Variants in AZIN2 observed in about 807,000 individuals in gnomAD.
The protein encoded by AZIN2 is antizyme inhibitor 2, also known as ODC antizyme inhibitor-2.
Under a neutral mutation model 47.8 loss-of-function variants are expected in AZIN2, and 28 were observed. The observed-to-expected ratio is 0.59, with a 90% CI of 0.43 to 0.80. AZIN2 has a LOEUF of 0.80. Among genes scored for constraint, AZIN2 ranks in the 30% least tolerant of loss-of-function variants. The pLI is 0.00. For missense variants in AZIN2, 535 were observed against 582.5 expected, an observed-to-expected ratio of 0.92 and a Z score of 0.84; for synonymous variants, 221 against 239.4, an observed-to-expected ratio of 0.92 and a Z score of 0.71.
At chr1:33,125,733 C>T (rs1557737562), downstream of AZIN2, among the ~76,000 whole-genome samples, 1 of 151,896 alleles carries the variant, frequency 6.6e-6, no homozygotes, top group African/African-American at 2.4e-5. Flanking sequence ...TCATCACACG[C>T]CCTTTCCTTT....
chr1:33,145,556 C>T, the AZIN2 span: 5 of 171,796 alleles, frequency 2.9e-5, no homozygotes, highest in Non-Finnish European at 6.3e-5. Flanking sequence ...GCCCGGGTGG[C>T]GGGGGCAGCC....
rs1335346492 is a variant in AZIN2, at chr1:33,120,345, T to C, written c.*163T>C. 2 of 911,976 alleles carry C rather than the reference T, an allele frequency of 2.2e-6. No homozygotes were observed. The highest frequency in any genetic ancestry group is 3.4e-5 in the African/African-American group (2 of 59,608). 56.5% of individuals were successfully genotyped at this position (911,976 alleles called of 1,614,324 possible). ...GTTTCTGCCCTGTAAATAGGACCAG[T>C]CTTACACTCGCTGTAGTTCAAGTAT... is the stretch of plus-strand genomic sequence containing the variant. On this transcript the variant is annotated 3_prime_UTR_variant, in exon 12 of 12. Transcript: ENST00000294517.
chr1:33,095,289 A>G (rs1570008572), intron 8 of AZIN2, among the ~76,000 whole-genome samples: 1 of 152,348 alleles, frequency 6.6e-6, no homozygotes, highest in Admixed American at 6.5e-5. Context: ...AATTTGCCTC[A>G]AAGATGACTG....
downstream of AZIN2, among the ~76,000 whole-genome samples, chr1:33,127,607 T>C (rs1644866483): frequency 6.6e-6 from 1 of 152,242 alleles, no homozygotes; most frequent in Admixed American, 6.5e-5. Flanking sequence ...GGAAGTGGGC[T>C]TATTTGCGCA....
chr1:33,092,399 C>A (rs2124518562), intron 6 of AZIN2, among the ~76,000 whole-genome samples, 177 bp downstream of exon 6: 1 of 151,766 alleles, frequency 6.6e-6, no homozygotes, highest in East Asian at 2.0e-4. Flanking sequence ...TGTCCTGGAC[C>A]CAGCCACAGT....
At chr1:33,150,176 A>T in the AZIN2 span, among the ~76,000 whole-genome samples, 3 of 152,238 alleles carry the variant, frequency 2.0e-5, no homozygotes, top group Non-Finnish European at 4.4e-5. Flanking sequence ...CAAGACAGAG[A>T]TGAGGAAAAG....
chr1:33,105,063 A>G (rs1159109978), intron 10 of AZIN2, among the ~76,000 whole-genome samples: 1 of 152,152 alleles, frequency 6.6e-6, no homozygotes, highest in African/African-American at 2.4e-5. Flanking sequence ...TCATGATTTA[A>G]CCAGTTTTAG....
the AZIN2 span, among the ~76,000 whole-genome samples, chr1:33,134,945 G>T: frequency 6.6e-6 from 1 of 152,142 alleles, no homozygotes; most frequent in African/African-American, 2.4e-5. Flanking sequence ...CCTGCCTCCA[G>T]CTGTGTTTCA....
the AZIN2 span, chr1:33,158,487 G>C: frequency 5.5e-6 from 4 of 725,130 alleles, no homozygotes; most frequent in African/African-American, 7.0e-5. Context: ...TGAGAAGTCT[G>C]TGGGACTCAG....
chr1:33,101,807 T>G (rs748488257), intron 10 of AZIN2: 5 of 777,164 alleles, frequency 6.4e-6, no homozygotes, highest in Non-Finnish European at 1.2e-5. Flanking sequence ...GTAACCTGTT[T>G]GGGCTTTTTC....
chr1:33,096,880 G>A lies in AZIN2; in HGVS notation c.916+11G>A, dbSNP rs768620096. Reference sequence around the variant, plus strand: ...AGCCTGGCAGGGAGGGTAGGTGCCAGGTGGGCAGTGGAGCCCTGTTCTCCC... The same window carrying A: ...AGCCTGGCAGGGAGGGTAGGTGCCAAGTGGGCAGTGGAGCCCTGTTCTCCC... On this transcript the variant is annotated intron_variant, in intron 9 of 11. Coordinates refer to ENST00000294517, the MANE Select transcript of AZIN2 (RefSeq NM_052998.4). 1 of 1,614,082 alleles carries A rather than the reference G, an allele frequency of 6.2e-7. No homozygotes were observed. Among genetic ancestry groups the A allele is most frequent in the South Asian group, 1.1e-5 (1 of 91,078 alleles).
chr1:33,123,657 G>A (rs1056747807), downstream of AZIN2, among the ~76,000 whole-genome samples: 3 of 152,232 alleles, frequency 2.0e-5, no homozygotes, highest in Non-Finnish European at 4.4e-5. Context: ...GAGGTCAGGA[G>A]TTTGAGACCA....
At chr1:33,132,769 A>T in the AZIN2 span, among the ~76,000 whole-genome samples, 1 of 152,210 alleles carries the variant, frequency 6.6e-6, no homozygotes, top group Admixed American at 6.5e-5. Context: ...GTGTCATTGG[A>T]TGAGTGGAAG....
At chr1:33,098,889 G>A (rs1379316939) in intron 10 of AZIN2, among the ~76,000 whole-genome samples, 2 of 151,902 alleles carry the variant, frequency 1.3e-5, no homozygotes, top group Admixed American at 6.6e-5. Context: ...TCAGCCTCCC[G>A]AGTAGGTGGG....
chr1:33,135,334 G>A, the AZIN2 span, among the ~76,000 whole-genome samples: 2 of 152,158 alleles, frequency 1.3e-5, no homozygotes, highest in South Asian at 2.1e-4. Flanking sequence ...ACCCAGGTCC[G>A]CATGCTGCCA....
At chr1:33,089,829 C>T (rs1246627320) in intron 5 of AZIN2, among the ~76,000 whole-genome samples, 1 of 152,192 alleles carries the variant, frequency 6.6e-6, no homozygotes, top group African/African-American at 2.4e-5. Context: ...AAATTAGACT[C>T]TTATTACAAA....
intron 5 of AZIN2, among the ~76,000 whole-genome samples, chr1:33,089,265 A>G (rs1642263458): frequency 6.6e-6 from 1 of 152,176 alleles, no homozygotes; most frequent in Non-Finnish European, 1.5e-5. Flanking sequence ...AGTGACTGGC[A>G]TAGGATATGC....
intron 9 of AZIN2, 195 bp downstream of exon 9, chr1:33,097,064 A>C: frequency 1.6e-6 from 1 of 638,322 alleles, no homozygotes; most frequent in Non-Finnish European, 2.7e-6. Context: ...TTTCCTAGGC[A>C]TGTTCATATT....
Position 33,093,306 on chromosome 1 carries a change from T to C in AZIN2, c.477T>C (p.Asp159=), listed in dbSNP as rs1642779403. The part of the protein sequence containing the change: ...SAKMVLCIAT[D]DSHSLSCLSL... ...GGATGGTTCTGTGCATTGCTACCGA[T>C]GACTCCCACTCCCTGAGCTGCCTGA... The change falls in exon 7 of 12, where the codon GAT becomes GAC. Residue 159 remains aspartate, a synonymous_variant. Transcript: ENST00000294517. 1 of 1,614,076 alleles carries C rather than the reference T, an allele frequency of 6.2e-7. No homozygotes were observed. The highest frequency in any genetic ancestry group is 8.5e-7 in the Non-Finnish European group (1 of 1,179,984).
Sources: gnomAD v4.1 joint callset for allele counts (sites outside exome capture counted in the v4.1 genomes callset) on GRCh38, gnomAD v4.1.1 for gene constraint, MANE v1.5 for transcripts, NCBI Gene and HGNC (gene_info 2026-07-23, HGNC 2026-07-21) for gene names.